AMOTL2: variants seen among roughly 807,000 people sequenced by gnomAD.
AMOTL2 encodes the protein angiomotin-like protein 2.
In AMOTL2, 33 loss-of-function variants were observed where a neutral mutation model predicts 78.4. The observed-to-expected ratio is 0.42, with a 90% CI of 0.32 to 0.56. The LOEUF (loss-of-function observed/expected upper bound fraction) is 0.56, where lower values mean the gene tolerates loss of function less well. Ranked by LOEUF, AMOTL2 falls within the 20% of genes least tolerant of loss-of-function variation. The pLI, the probability that AMOTL2 is intolerant of heterozygous loss-of-function variation, is 0.12. For synonymous variants in AMOTL2, 422 were observed against 428.8 expected (o/e 0.98, Z 0.20); for missense variants, 983 against 1,030.1 (o/e 0.95, Z 0.63).
At position 134,358,564 on chromosome 3, in the gene AMOTL2, T is replaced by G; in HGVS notation, c.2260A>C (p.Ser754Arg). The change falls in exon 9 of 10, where the codon AGT becomes CGT. Residue 754 changes from serine (S) to arginine (R), a missense_variant. Transcript: ENST00000249883. ...PEPDSLLGCS[S>R]SQRAASLDSV... Reference sequence around the variant, plus strand: ...CCCAGAGAGGCTGCTCTCTGGCTACTGCTGCACCCCAGAAGGCTGTCAGGC... The same window carrying G: ...CCCAGAGAGGCTGCTCTCTGGCTACGGCTGCACCCCAGAAGGCTGTCAGGC... 6.2e-7 allele frequency: 1 copy of G among 1,613,970 alleles called. No individual in the cohort carries two copies.
chr3:134,365,425 G>A (rs548876730), intron 5 of AMOTL2, among the ~76,000 whole-genome samples: 20 of 152,062 alleles, frequency 1.3e-4, no homozygotes, highest in Middle Eastern at 6.8e-3. Flanking sequence ...GCACACTCCC[G>A]ACCTTTCTGT....
chr3:134,359,354 CCT>C lies in AMOTL2; in HGVS notation c.2031_2032del (p.Gly678AsnfsTer10). 1 of 1,614,206 alleles carries C rather than the reference CCT, an allele frequency of 6.2e-7. No individual in the cohort carries two copies. Among genetic ancestry groups the C allele is most frequent in the Non-Finnish European group, 8.5e-7 (1 of 1,180,036 alleles). On this transcript the variant is annotated frameshift_variant, in exon 8 of 10. Transcript: ENST00000249883. LOFTEE classifies it high-confidence loss of function. ...AGAGAGCCCTTGCCAGCCCTGGGTT[CCT>C]GCTGCCGCAGCCGCGAAAACAGATG...
chr3:134,362,320 G>A (rs891323450), intron 5 of AMOTL2, among the ~76,000 whole-genome samples: 4 of 152,154 alleles, frequency 2.6e-5, no homozygotes, highest in East Asian at 3.8e-4. Context: ...CTTATTCCAC[G>A]AATCCTCCAG....
Position 134,367,507 on chromosome 3 carries a change from C to A in AMOTL2, c.1031G>T (p.Arg344Leu), listed in dbSNP as rs369381825. The A allele has an allele frequency of 6.8e-6, 11 of 1,611,554 alleles. No homozygotes were observed. The highest frequency in any genetic ancestry group is 4.0e-5 in the African/African-American group (3 of 74,862). ...CCCAGCAGGGCCTACCTTCTCAATG[C>A]GGCCAGCCTTCTCCGCAGAGCTCTC... ...ELESSAEKAGRIEKLESEIQR... is the reference protein window; with the variant it reads ...ELESSAEKAGLIEKLESEIQR... The change falls in exon 3 of 10, where the codon CGC becomes CTC. Residue 344 changes from arginine (R) to leucine (L), a missense_variant. Physicochemically the swap from Arg to Leu is moderately radical, Grantham distance 102. Transcript: ENST00000249883.
rs771603095 is a variant in AMOTL2 at position 134,359,413 on chromosome 3, G to A, written c.1974C>T (p.Ile658=). 7.4e-6 allele frequency: 12 copies of A among 1,614,082 alleles called. No individual in the cohort carries two copies. The highest frequency in any genetic ancestry group is 2.2e-5 in the South Asian group (2 of 91,088). ...ACTTGGCAGGCCGCAGGGAGCCCTGGATGGCCTTGCCAGGGTCTCTCCTGG... is the reference window on the plus strand; with the variant it reads ...ACTTGGCAGGCCGCAGGGAGCCCTGAATGGCCTTGCCAGGGTCTCTCCTGG... The part of the protein sequence containing the change: ...QRSRRDPGKA[I]QGSLRPAKSV... The change falls in exon 8 of 10, where the codon ATC becomes ATT. Residue 658 remains isoleucine, a synonymous_variant. Coordinates refer to ENST00000249883, the MANE Select transcript of AMOTL2 (RefSeq NM_016201.4).
In AMOTL2 at chr3:134,357,561, C is replaced by G. The variant is rs912510317; in HGVS notation, c.*144G>C. 1 of 874,386 alleles carries G rather than the reference C, an allele frequency of 1.1e-6. No homozygotes were observed. The allele number at this position is 874,386 out of a possible 1,614,324, so 54.2% of individuals were successfully genotyped here. On this transcript the variant is annotated 3_prime_UTR_variant, in exon 10 of 10. Transcript: ENST00000249883. The stretch of plus-strand genomic sequence containing the variant: ...TCCCCTGGGGTCCTCCTCCTGAGCT[C>G]CTGGGACCAGATGGTCAATGGGAAT...
chr3:134,375,151 T>G (rs1385249209), upstream of AMOTL2: 8 of 1,533,344 alleles, frequency 5.2e-6, no homozygotes, highest in African/African-American at 1.4e-5. Flanking sequence ...GAAGTGTGAA[T>G]CTGGGTTGGA....
chr3:134,372,370 T>C (rs150483994), intron 1 of AMOTL2, among the ~76,000 whole-genome samples: 247 of 152,226 alleles, frequency 1.6e-3, no homozygotes, highest in African/African-American at 5.8e-3. Flanking sequence ...AAAGGATGAA[T>C]AAAAATGCTT....
rs2017831090 is a variant in AMOTL2, at chr3:134,371,007, G to C, written c.427C>G (p.Gln143Glu). 1.2e-6 allele frequency: 2 copies of C among 1,602,628 alleles called. No homozygotes were observed. The highest frequency in any genetic ancestry group is 1.7e-6 in the Non-Finnish European group (2 of 1,174,604). ...CTCAGCTCCCGCAGGGCCTCGTCCT[G>C]CCTCCGACTGCCTCCCGGGGCCCCA... ...PRGAPGGSRR[Q>E]DEALRELRHG... The change falls in exon 2 of 10, where the codon CAG becomes GAG. Residue 143 changes from glutamine (Q) to glutamate (E), a missense_variant. Gln to Glu is a conservative substitution (Grantham distance 29). Transcript: ENST00000249883.
In AMOTL2 at chr3:134,361,502, C is replaced by G. The variant is rs1305636137; in HGVS notation, c.1575+10G>C. The stretch of plus-strand genomic sequence containing the variant: ...GATGCTGCCCTAGCCTGGAGACTTT[C>G]TCAGCTCACCTGCTGTGCACGCAGG... On this transcript the variant is annotated intron_variant, in intron 6 of 9. Coordinates refer to ENST00000249883, the MANE Select transcript of AMOTL2 (RefSeq NM_016201.4). The G allele has an allele frequency of 1.3e-6, 2 of 1,594,716 alleles. No individual in the cohort carries two copies. Among genetic ancestry groups the G allele is most frequent in the African/African-American group, 2.7e-5 (2 of 74,582 alleles).
At chr3:134,368,139 A>C (rs1423867698) in intron 2 of AMOTL2, among the ~76,000 whole-genome samples, 1 of 152,112 alleles carries the variant, frequency 6.6e-6, no homozygotes, top group Non-Finnish European at 1.5e-5. Context: ...CCTCCTAAGC[A>C]ACTAATGCTT....
chr3:134,365,635 T>C (rs2017570763), intron 5 of AMOTL2, among the ~76,000 whole-genome samples, 182 bp downstream of exon 5: 1 of 152,252 alleles, frequency 6.6e-6, no homozygotes, highest in South Asian at 2.1e-4. Context: ...CTATTCTTCT[T>C]TGGAAGCCAC....
At chr3:134,372,833 C>A (rs1485041457) in intron 1 of AMOTL2, among the ~76,000 whole-genome samples, 2 of 151,822 alleles carry the variant, frequency 1.3e-5, no homozygotes. Context: ...CCTCTCTCAC[C>A]CAGCTTCCTT....
upstream of AMOTL2, chr3:134,374,855 G>A (rs888756206): frequency 4.1e-6 from 5 of 1,219,838 alleles, no homozygotes; most frequent in African/African-American, 6.2e-5. Context: ...CGACAGCAAG[G>A]GCTGTACCAC....
Position 134,360,309 on chromosome 3 carries a change from C to A in AMOTL2, c.1680G>T (p.Leu560=). The A allele has an allele frequency of 6.2e-7, 1 of 1,614,254 alleles. No homozygotes were observed. ...ACTTGGTCATGTCGGCCTCCAGCGC[C>A]AGGATCTGCTCCTCCTTCTCTCGCA... ...EQLREKEEQI[L]ALEADMTKWE... Residue 560 remains leucine, a synonymous_variant, in exon 7 of 10, where the codon CTG becomes CTT. Transcript: ENST00000249883.
chr3:134,362,678 T>A (rs1257107143), intron 5 of AMOTL2, among the ~76,000 whole-genome samples: 1 of 152,228 alleles, frequency 6.6e-6, no homozygotes, highest in African/African-American at 2.4e-5. Flanking sequence ...TTAAATCATT[T>A]TGTTAATTGC....
chr3:134,363,218 CAG>C (rs529733693), intron 5 of AMOTL2, among the ~76,000 whole-genome samples: 146 of 152,286 alleles, frequency 9.6e-4, no homozygotes, highest in African/African-American at 3.5e-3. Flanking sequence ...AGGGAGGACA[CAG>C]AGGCAACTCA....
At position 134,358,779 on chromosome 3, in the gene AMOTL2, A is replaced by G. The variant is rs185326245; in HGVS notation, c.2105-60T>C. 8.8e-6 allele frequency: 14 copies of G among 1,592,580 alleles called. No individual in the cohort carries two copies. In the African/African-American group the frequency reaches 1.1e-4, roughly 12 times the overall value. The stretch of plus-strand genomic sequence containing the variant: ...GTAAGATGTGGCCCTGGTGAAGGAC[A>G]CTCTAAGTTAACTGTCCCTGCTGGG... On this transcript the variant is annotated intron_variant, in intron 8 of 9. Coordinates refer to ENST00000249883, the MANE Select transcript of AMOTL2 (RefSeq NM_016201.4).
chr3:134,359,599 C>CG (rs2017255464), intron 7 of AMOTL2, 96 bp from the exon 8 acceptor site: 1 of 1,007,142 alleles, frequency 9.9e-7, no homozygotes, highest in South Asian at 1.6e-5. Flanking sequence ...AAGCCCCCCC[C>CG]AACTCCCCCA....
Sources: allele counts gnomAD v4.1 joint callset (sites outside exome capture counted in the v4.1 genomes callset), GRCh38; gene constraint gnomAD v4.1.1; transcripts MANE v1.5; gene names NCBI Gene and HGNC (gene_info 2026-07-23, HGNC 2026-07-21).